ST8SIA4: variants seen among roughly 807,000 people sequenced by gnomAD.
ST8SIA4 encodes ST8 alpha-N-acetyl-neuraminide alpha-2,8-sialyltransferase 4, also known as CMP-N-acetylneuraminate-poly-alpha-2,8-sialyltransferase.
A neutral mutation model predicts 33.9 loss-of-function variants in ST8SIA4; 15 were observed. That is an observed-to-expected ratio of 0.44 (90% CI 0.30 to 0.68). ST8SIA4 has a LOEUF of 0.68. Ranked by LOEUF, ST8SIA4 falls within the 30% of genes least tolerant of loss-of-function variation. The pLI, the probability that ST8SIA4 is intolerant of heterozygous loss-of-function variation, is 0.10. For missense variants in ST8SIA4, 321 were observed against 428.0 expected (o/e 0.75, Z 2.21); for synonymous variants, 171 against 151.2 (o/e 1.13, Z -0.96).
chr5:100,888,743 C>G (rs144913425), intron 2 of ST8SIA4, among the ~76,000 whole-genome samples: 2 of 151,814 alleles, frequency 1.3e-5, no homozygotes, highest in Non-Finnish European at 2.9e-5. Context: ...AGGAAAGTAA[C>G]TCATATCTTT....
intron 3 of ST8SIA4, among the ~76,000 whole-genome samples, chr5:100,877,926 T>C (rs1752341121): frequency 6.6e-6 from 1 of 152,230 alleles, no homozygotes; most frequent in Non-Finnish European, 1.5e-5. Flanking sequence ...TCCTCCGTCT[T>C]TACTACCCCT....
At chr5:100,833,923 A>G (rs910119894) in intron 4 of ST8SIA4, among the ~76,000 whole-genome samples, 2 of 152,194 alleles carry the variant, frequency 1.3e-5, no homozygotes, top group African/African-American at 4.8e-5. Context: ...CAAGTGAGGT[A>G]AGAACTGTAT....
At chr5:100,886,158 C>T in intron 3 of ST8SIA4, 185 bp downstream of exon 3, 1 of 1,379,440 alleles carries the variant, frequency 7.2e-7, no homozygotes, top group East Asian at 2.7e-5. Flanking sequence ...TTTCTTTCAA[C>T]TACGCAATAA....
intron 3 of ST8SIA4, among the ~76,000 whole-genome samples, chr5:100,861,270 ACAT>A (rs1240239207): frequency 6.6e-6 from 1 of 152,094 alleles, no homozygotes; most frequent in Non-Finnish European, 1.5e-5. Flanking sequence ...CAAACAACAC[ACAT>A]CATGAAAATA....
Position 100,812,120 on chromosome 5 carries a change from CA to C in ST8SIA4, c.806del (p.Leu269ArgfsTer39). ...GTCTTTTGATAGGAACTTTGTTGGT[CA>C]GCCAGTAACTGGAAAAACAAAAAAC... is the stretch of plus-strand genomic sequence containing the variant. ...RLIHAVRGYW[L>X]TNKVPIKRPS... On this transcript the variant is annotated frameshift_variant, in exon 5 of 5. Coordinates refer to ENST00000231461, the MANE Select transcript of ST8SIA4 (RefSeq NM_005668.6). LOFTEE classifies it high-confidence loss of function. The C allele has an allele frequency of 6.2e-7, 1 of 1,604,582 alleles. No homozygotes were observed. Among genetic ancestry groups the C allele is most frequent in the Non-Finnish European group, 8.5e-7 (1 of 1,176,820 alleles).
chr5:100,884,417 G>A (rs1752492860), intron 3 of ST8SIA4, among the ~76,000 whole-genome samples: 2 of 152,280 alleles, frequency 1.3e-5, no homozygotes, highest in South Asian at 4.1e-4. Context: ...AAGAGAGGTG[G>A]ACAGAAAGAT....
chr5:100,865,660 T>C (rs572764137), intron 3 of ST8SIA4, among the ~76,000 whole-genome samples: 4 of 152,284 alleles, frequency 2.6e-5, no homozygotes, highest in African/African-American at 9.6e-5. Flanking sequence ...TTCTTTATTT[T>C]CTAATACTAT....
rs142961342 is a variant in ST8SIA4 at position 100,808,929 on chromosome 5, C to T, written c.*2918G>A. The T allele has an allele frequency of 1.3e-5, 2 of 152,410 alleles. No homozygotes were observed. Among genetic ancestry groups the T allele is most frequent in the African/African-American group, 2.4e-5 (1 of 41,412 alleles). 9.4% of individuals were successfully genotyped at this position (152,410 alleles called of 1,614,324 possible). ...TGACTATTGAAATCCCTGAGATGAA[C>T]AAAAGCAATCTCAATCGACACTGAA... On this transcript the variant is annotated 3_prime_UTR_variant, in exon 5 of 5. Transcript: ENST00000231461.
chr5:100,890,348 T>C (rs1184431061), intron 2 of ST8SIA4, among the ~76,000 whole-genome samples: 1 of 151,892 alleles, frequency 6.6e-6, no homozygotes, highest in Non-Finnish European at 1.5e-5. Context: ...ATTGGAAGCA[T>C]AGAAAACTCC....
chr5:100,877,753 C>T (rs1030717308), intron 3 of ST8SIA4, among the ~76,000 whole-genome samples: 10 of 152,196 alleles, frequency 6.6e-5, no homozygotes, highest in African/African-American at 2.2e-4. Context: ...TGGAGAGCTT[C>T]TATTATTAAA....
At chr5:100,836,257 A>G (rs1311225806) in intron 4 of ST8SIA4, among the ~76,000 whole-genome samples, 2 of 152,076 alleles carry the variant, frequency 1.3e-5, no homozygotes, top group East Asian at 1.9e-4. Flanking sequence ...TAATAATCTT[A>G]TTTTACAGAT....
intron 4 of ST8SIA4, among the ~76,000 whole-genome samples, chr5:100,853,174 A>T (rs2548272): frequency 0.9 from 136,280 of 152,250 alleles, 61,870 homozygotes; most frequent in Middle Eastern, 0.98. Flanking sequence ...TCATATCACA[A>T]AAATCATTTT....
chr5:100,841,079 A>T (rs2112423951), intron 4 of ST8SIA4, among the ~76,000 whole-genome samples: 1 of 152,032 alleles, frequency 6.6e-6, no homozygotes, highest in East Asian at 1.9e-4. Context: ...TAAAGAAAGA[A>T]GAGAGGTTCA....
At chr5:100,820,143 A>T (rs1232805874) in intron 4 of ST8SIA4, among the ~76,000 whole-genome samples, 1 of 152,182 alleles carries the variant, frequency 6.6e-6, no homozygotes, top group Non-Finnish European at 1.5e-5. Context: ...CAAAATGAGG[A>T]TCTTAATATG....
intron 1 of ST8SIA4, among the ~76,000 whole-genome samples, chr5:100,896,686 G>A (rs1445045085): frequency 3.9e-5 from 6 of 152,084 alleles, no homozygotes; most frequent in Non-Finnish European, 7.4e-5. Flanking sequence ...ATTGTATCCC[G>A]TAAATATATA....
chr5:100,834,242 C>T (rs1012748395), intron 4 of ST8SIA4, among the ~76,000 whole-genome samples: 2 of 151,956 alleles, frequency 1.3e-5, no homozygotes, highest in Admixed American at 1.3e-4. Flanking sequence ...GCTCTAGTGA[C>T]AAAAGGAGCA....
At chr5:100,817,527 T>C (rs1000114274) in intron 4 of ST8SIA4, among the ~76,000 whole-genome samples, 3 of 152,352 alleles carry the variant, frequency 2.0e-5, no homozygotes, top group South Asian at 4.1e-4. Flanking sequence ...CGTGGACATA[T>C]TGAAATAGAA....
At chr5:100,855,961 G>C (rs1751805670) in intron 4 of ST8SIA4, 142 bp downstream of exon 4, 4 of 836,692 alleles carry the variant, frequency 4.8e-6, no homozygotes, top group Non-Finnish European at 7.2e-6. Context: ...CTTCAAGTTT[G>C]TAAATAGAGT....
chr5:100,841,857 A>G (rs1751478021), intron 4 of ST8SIA4, among the ~76,000 whole-genome samples: 1 of 151,870 alleles, frequency 6.6e-6, no homozygotes. Flanking sequence ...TATTACATGC[A>G]TTTGCCAAAT....
Sources: allele counts gnomAD v4.1 joint callset (sites outside exome capture counted in the v4.1 genomes callset), GRCh38; gene constraint gnomAD v4.1.1; transcripts MANE v1.5; gene names NCBI Gene and HGNC (gene_info 2026-07-23, HGNC 2026-07-21).